The following DMXL2 variants were observed in gnomAD, a reference collection of about 807,000 sequenced individuals.
The protein encoded by DMXL2 is Dmx like 2, also known as dmX-like protein 2.
In DMXL2, 103 loss-of-function variants were observed where a neutral mutation model predicts 331.1. That is an observed-to-expected ratio of 0.31 (90% CI 0.27 to 0.37). The LOEUF (loss-of-function observed/expected upper bound fraction) is 0.37. Ranked by LOEUF, DMXL2 falls within the 10% of genes least tolerant of loss-of-function variation. The probability of loss-of-function intolerance (pLI) is 1.00; values close to 1 mark genes in which losing one functional copy is unlikely to be tolerated. For missense variants in DMXL2, 3,171 were observed against 3,642.9 expected, an observed-to-expected ratio of 0.87 and a Z score of 3.33; for synonymous variants, 1,281 against 1,252.1, an observed-to-expected ratio of 1.02 and a Z score of -0.49.
intron 1 of DMXL2, among the ~76,000 whole-genome samples, chr15:51,620,709 G>T (rs1304961220): frequency 6.6e-6 from 1 of 152,188 alleles, no homozygotes; most frequent in African/African-American, 2.4e-5. Context: ...TTAAGGATAT[G>T]AAAAGGAGTA....
In DMXL2 at chr15:51,495,042, C is replaced by T. The variant is rs543110961; in HGVS notation, c.4765G>A (p.Val1589Met). 1.2e-6 allele frequency: 2 copies of T among 1,612,342 alleles called. No individual in the cohort carries two copies. The highest frequency in any genetic ancestry group is 1.1e-5 in the South Asian group (1 of 90,924). The change falls in exon 19 of 44, where the codon GTG becomes ATG. Residue 1589 changes from valine (V) to methionine (M), a missense_variant. Transcript: ENST00000560891. Reference protein sequence around the residue: ...LLTSLPPLYRVQLLHQGVSTC... With the variant: ...LLTSLPPLYRMQLLHQGVSTC... ...GAATTACCTTGATGAAGTAGCTGCA[C>T]TCGGTATAAAGGAGGCAGCGATGTC... is the stretch of plus-strand genomic sequence containing the variant.
At position 51,514,546 on chromosome 15, in the gene DMXL2, G is replaced by T; in HGVS notation, c.2540C>A (p.Thr847Lys). The T allele has an allele frequency of 6.3e-7, 1 of 1,584,230 alleles. No individual in the cohort carries two copies. Residue 847 changes from threonine to lysine, a missense_variant, in exon 15 of 44, where the codon ACA (threonine) becomes AAA (lysine). Thr to Lys is a moderately conservative substitution (Grantham distance 78, BLOSUM62 -1). Coordinates refer to ENST00000560891, the MANE Select transcript of DMXL2 (RefSeq NM_001378457.1). ...DAITNQCGSNTQLLHVFQEDF... is the reference protein window; with the variant it reads ...DAITNQCGSNKQLLHVFQEDF... The stretch of plus-strand genomic sequence containing the variant: ...TTCTTGAAACACATGAAGCAACTGT[G>T]TATTTGAGCCACACTACAAATACAA...
intron 6 of DMXL2, among the ~76,000 whole-genome samples, chr15:51,554,466 A>T (rs979290969): frequency 6.6e-6 from 1 of 152,220 alleles, no homozygotes; most frequent in African/African-American, 2.4e-5. Context: ...AAAGACATGA[A>T]TTATATTATT....
chr15:51,498,376 G>A (rs1183862023), intron 18 of DMXL2, among the ~76,000 whole-genome samples, 176 bp downstream of exon 18: 1 of 152,124 alleles, frequency 6.6e-6, no homozygotes, highest in Non-Finnish European at 1.5e-5. Context: ...TCATATGCCG[G>A]CCTCAACCGT....
chr15:51,564,047 G>C (rs568369988), intron 5 of DMXL2, 78 bp downstream of exon 5: 12 of 1,459,744 alleles, frequency 8.2e-6, no homozygotes, highest in South Asian at 1.4e-5. Context: ...AAAAAATAAA[G>C]ATCTTTGTGA....
intron 29 of DMXL2, among the ~76,000 whole-genome samples, chr15:51,468,034 T>C (rs936513413): frequency 3.3e-5 from 5 of 152,188 alleles, no homozygotes; most frequent in African/African-American, 1.2e-4. Context: ...CCTGACCTAG[T>C]ACTTCTTAAG....
chr15:51,577,832 T>A (rs1484381841), intron 1 of DMXL2, among the ~76,000 whole-genome samples: 1 of 152,200 alleles, frequency 6.6e-6, no homozygotes, highest in Non-Finnish European at 1.5e-5. Flanking sequence ...GAAAGTTATT[T>A]AAGTTCCCTA....
chr15:51,581,549 CA>C (rs2051419437), intron 1 of DMXL2, among the ~76,000 whole-genome samples: 1 of 152,152 alleles, frequency 6.6e-6, no homozygotes, highest in Admixed American at 6.5e-5. Flanking sequence ...AGGCATAACA[CA>C]CTCATTCAGT....
chr15:51,522,606 T>G (rs1163835524), intron 13 of DMXL2, among the ~76,000 whole-genome samples: 1 of 152,194 alleles, frequency 6.6e-6, no homozygotes, highest in East Asian at 1.9e-4. Context: ...ATCATGCCAC[T>G]GCACTCCAGC....
chr15:51,455,334 T>A, intron 39 of DMXL2, 106 bp from the exon 40 acceptor site: 1 of 912,320 alleles, frequency 1.1e-6, no homozygotes. Flanking sequence ...ACATTCTGCC[T>A]CTAACTATGT....
At chr15:51,599,741 C>T (rs1233242887) in intron 1 of DMXL2, among the ~76,000 whole-genome samples, 1 of 151,706 alleles carries the variant, frequency 6.6e-6, no homozygotes. Flanking sequence ...GCTTTGTCAC[C>T]CAGGCTGGAG....
chr15:51,521,831 T>C (rs954541045), intron 13 of DMXL2, among the ~76,000 whole-genome samples: 3 of 152,222 alleles, frequency 2.0e-5, no homozygotes, highest in African/African-American at 7.2e-5. Context: ...TGCACATTTA[T>C]TCTTCCATGT....
intron 18 of DMXL2, among the ~76,000 whole-genome samples, chr15:51,497,941 A>C (rs1031795454): frequency 6.6e-6 from 1 of 152,180 alleles, no homozygotes; most frequent in Non-Finnish European, 1.5e-5. Context: ...GTTAAAAAAC[A>C]AGAGACTTGG....
intron 26 of DMXL2, among the ~76,000 whole-genome samples, chr15:51,477,872 G>A (rs1400841674): frequency 2.0e-5 from 3 of 151,984 alleles, no homozygotes; most frequent in East Asian, 3.8e-4. Context: ...TTTTAGGAAT[G>A]TACTTTTTCA....
At chr15:51,554,276 C>T (rs1263650668) in intron 6 of DMXL2, among the ~76,000 whole-genome samples, 1 of 152,046 alleles carries the variant, frequency 6.6e-6, no homozygotes, top group Non-Finnish European at 1.5e-5. Flanking sequence ...TTATTAATCA[C>T]TTATTAACGT....
intron 23 of DMXL2, among the ~76,000 whole-genome samples, chr15:51,483,040 T>C (rs552655286): frequency 6.6e-6 from 1 of 152,136 alleles, no homozygotes; most frequent in South Asian, 2.1e-4. Context: ...CAGGAAGAAC[T>C]TCTCATTGCA....
rs1457518983 is a variant in DMXL2 at position 51,544,850 on chromosome 15, A to G, written c.930+733T>C. ...TATTTCTTCTCCTTTTCTTAATCCA[A>G]TTCTAGAATAAGCATACAGTATTTG... On this transcript the variant is annotated intron_variant, in intron 8 of 43. Transcript: ENST00000560891. Among the ~76,000 whole-genome samples the G allele has an allele frequency of 2.6e-5, 4 of 152,238 alleles. No homozygotes were observed. In the East Asian group the frequency reaches 7.7e-4, roughly 29 times the overall value.
At chr15:51,471,131 G>A (rs2041069220) in intron 29 of DMXL2, 92 bp downstream of exon 29, 36 of 1,224,624 alleles carry the variant, frequency 2.9e-5, no homozygotes, top group Non-Finnish European at 2.9e-5. Flanking sequence ...CAATCCAAAA[G>A]CTACCCCATC....
intron 19 of DMXL2, among the ~76,000 whole-genome samples, chr15:51,494,427 C>A (rs2043024233): frequency 6.6e-6 from 1 of 152,170 alleles, no homozygotes. Flanking sequence ...GGGATTCGCA[C>A]TCCCAACTCT....
Sources: gnomAD v4.1 joint callset for allele counts (sites outside exome capture counted in the v4.1 genomes callset) on GRCh38, gnomAD v4.1.1 for gene constraint, MANE v1.5 for transcripts, NCBI Gene and HGNC (gene_info 2026-07-23, HGNC 2026-07-21) for gene names.